The following GABRG3 variants were observed in gnomAD, a reference collection of about 807,000 sequenced individuals.
The protein encoded by GABRG3 is gamma-aminobutyric acid type A receptor subunit gamma3.
In GABRG3, 25 loss-of-function variants were observed where a neutral mutation model predicts 48.8. That is an observed-to-expected ratio of 0.51 (90% CI 0.37 to 0.72). GABRG3 has a LOEUF of 0.72. Among genes scored for constraint, GABRG3 ranks in the 30% least tolerant of loss-of-function variants. The pLI, the probability that GABRG3 is intolerant of heterozygous loss-of-function variation, is 0.00. For missense variants in GABRG3, 394 were observed against 577.9 expected, an observed-to-expected ratio of 0.68 and a Z score of 3.26; for synonymous variants, 227 against 217.6, an observed-to-expected ratio of 1.04 and a Z score of -0.38.
At chr15:27,359,911 CTTGTTTGT>C (rs573400607) in intron 5 of GABRG3, among the ~76,000 whole-genome samples, 1 of 152,124 alleles carries the variant, frequency 6.6e-6, no homozygotes, top group Non-Finnish European at 1.5e-5. Flanking sequence ...ATACGTTTTT[CTTGTTTGT>C]TTGTTTGTTT....
intron 3 of GABRG3, among the ~76,000 whole-genome samples, chr15:27,068,323 T>C (rs59956976): frequency 0.21 from 31,957 of 152,182 alleles, 3,507 homozygotes; most frequent in Middle Eastern, 0.27. Flanking sequence ...GGGAAACTGC[T>C]GCAGGAGCCT....
intron 3 of GABRG3, among the ~76,000 whole-genome samples, chr15:27,053,799 G>T (rs1346951600): frequency 2.0e-5 from 3 of 152,232 alleles, no homozygotes; most frequent in African/African-American, 7.2e-5. Flanking sequence ...CATTAAGAAA[G>T]AATGAAGGCA....
At chr15:27,412,228 A>C (rs1887818274) in intron 5 of GABRG3, among the ~76,000 whole-genome samples, 1 of 152,146 alleles carries the variant, frequency 6.6e-6, no homozygotes, top group Non-Finnish European at 1.5e-5. Context: ...CCCAATGGTG[A>C]CATCCTGCAA....
At chr15:27,190,482 C>A (rs912935795) in intron 3 of GABRG3, among the ~76,000 whole-genome samples, 1 of 152,110 alleles carries the variant, frequency 6.6e-6, no homozygotes, top group Admixed American at 6.5e-5. Context: ...GGAATTTATC[C>A]ATTTCTTCTC....
At chr15:27,305,399 A>G (rs983294488) in intron 3 of GABRG3, among the ~76,000 whole-genome samples, 2 of 150,844 alleles carry the variant, frequency 1.3e-5, no homozygotes, top group Non-Finnish European at 3.0e-5. Flanking sequence ...ACTGTCTTCA[A>G]GGAATAGAAG....
chr15:27,251,973 G>GCAGTAAGTC (rs1890471125), intron 3 of GABRG3, among the ~76,000 whole-genome samples: 1 of 152,202 alleles, frequency 6.6e-6, no homozygotes, highest in Non-Finnish European at 1.5e-5. Flanking sequence ...GGACTTACCT[G>GCAGTAAGTC]CTGGGCCCTG....
chr15:27,214,310 G>A (rs1889169036), intron 3 of GABRG3, among the ~76,000 whole-genome samples: 1 of 152,208 alleles, frequency 6.6e-6, no homozygotes, highest in East Asian at 1.9e-4. Flanking sequence ...TAAGGAGATG[G>A]CCATGAGATG....
chr15:27,248,767 A>AACACAC (rs150140195), intron 3 of GABRG3, among the ~76,000 whole-genome samples: 1,919 of 116,994 alleles, frequency 0.016, 67 homozygotes, highest in East Asian at 0.055. Flanking sequence ...TGAGAAGGAA[A>AACACAC]ACACACACAC....
intron 3 of GABRG3, among the ~76,000 whole-genome samples, chr15:27,216,757 T>TTTTTTTTTTTTATTTA (rs1889266132): frequency 8.2e-6 from 1 of 121,902 alleles, no homozygotes; most frequent in African/African-American, 3.1e-5. Context: ...ATTTTTTATT[T>TTTTTTTTTTTTATTTA]ATTTATTTAT....
intron 5 of GABRG3, among the ~76,000 whole-genome samples, chr15:27,413,687 G>A (rs1887865077): frequency 6.6e-6 from 1 of 152,266 alleles, no homozygotes; most frequent in Middle Eastern, 3.4e-3. Context: ...AGGGAGCTGA[G>A]AATGTAAGTC....
intron 9 of GABRG3, among the ~76,000 whole-genome samples, chr15:27,530,087 C>T (rs531018143): frequency 6.6e-6 from 1 of 152,256 alleles, no homozygotes; most frequent in South Asian, 2.1e-4. Context: ...GAAGGAGCCA[C>T]CGTTACCAAT....
In GABRG3 at chr15:26,971,379, G is replaced by A; in HGVS notation, c.-157G>A. 1 of 450,952 alleles carries A rather than the reference G, an allele frequency of 2.2e-6. No individual in the cohort carries two copies. Among genetic ancestry groups the A allele is most frequent in the Non-Finnish European group, 3.6e-6 (1 of 279,276 alleles). 27.9% of individuals were successfully genotyped at this position (450,952 alleles called of 1,614,324 possible). On this transcript the variant is annotated 5_prime_UTR_variant, in exon 1 of 10. Coordinates refer to ENST00000615808, the MANE Select transcript of GABRG3 (RefSeq NM_033223.5). ...TGCGTCCAGTGTGCGCCCCGCGGGGGCGCGGCCAGCGCCAGAGTAGATACC... is the reference window on the plus strand; with the variant it reads ...TGCGTCCAGTGTGCGCCCCGCGGGGACGCGGCCAGCGCCAGAGTAGATACC...
At chr15:27,272,233 G>C (rs1401354019) in intron 3 of GABRG3, among the ~76,000 whole-genome samples, 1 of 152,236 alleles carries the variant, frequency 6.6e-6, no homozygotes, top group African/African-American at 2.4e-5. Context: ...ATTCTCACAA[G>C]GGTGAGCTTT....
intron 3 of GABRG3, among the ~76,000 whole-genome samples, chr15:27,146,730 T>A (rs1898216490): frequency 6.6e-6 from 1 of 152,048 alleles, no homozygotes; most frequent in Admixed American, 6.6e-5. Flanking sequence ...AGCTAGCTTA[T>A]TGTAAATTAA....
At chr15:27,305,364 G>A (rs549909683) in intron 3 of GABRG3, among the ~76,000 whole-genome samples, 25 of 150,988 alleles carry the variant, frequency 1.7e-4, no homozygotes, top group Middle Eastern at 3.4e-3. Flanking sequence ...AAAGATATTT[G>A]AAAAATAAAG....
chr15:27,366,049 G>GAA (rs1315793518), intron 5 of GABRG3: 1 of 152,166 alleles, frequency 6.6e-6, no homozygotes, highest in Non-Finnish European at 1.5e-5. Context: ...GAAGAAGAAC[G>GAA]AAAACTTGCA....
rs376337909 is a variant in GABRG3 at position 27,058,116 on chromosome 15, C to G, written c.270+31295C>G. On this transcript the variant is annotated intron_variant, in intron 3 of 9. Coordinates refer to ENST00000615808, the MANE Select transcript of GABRG3 (RefSeq NM_033223.5). ...CATCTGCTCCATCTGCAGAGCCAGC[C>G]TTGAATTTTAAAGTCCTGTCTTACT... 5.3e-5 allele frequency among the ~76,000 whole-genome samples: 8 copies of G among 152,304 alleles called. 1 individual carries two copies. Among genetic ancestry groups the G allele is most frequent in the African/African-American group, 1.9e-4 (8 of 41,556 alleles).
At chr15:27,117,783 T>C (rs947604411) in intron 3 of GABRG3, among the ~76,000 whole-genome samples, 6 of 152,304 alleles carry the variant, frequency 3.9e-5, no homozygotes, top group African/African-American at 1.4e-4. Context: ...TAACCAATAA[T>C]GCTGATAAGT....
At chr15:27,169,126 A>G (rs944328693) in intron 3 of GABRG3, among the ~76,000 whole-genome samples, 1 of 152,234 alleles carries the variant, frequency 6.6e-6, no homozygotes, top group African/African-American at 2.4e-5. Flanking sequence ...AGTGCAGGGA[A>G]GAGCCACTAG....
Sources: gnomAD v4.1 joint callset for allele counts (sites outside exome capture counted in the v4.1 genomes callset) on GRCh38, gnomAD v4.1.1 for gene constraint, MANE v1.5 for transcripts, NCBI Gene and HGNC (gene_info 2026-07-23, HGNC 2026-07-21) for gene names.